Variants in DNAI4 observed in about 807,000 individuals in gnomAD.
DNAI4 encodes the protein WD repeat domain 78.
A neutral mutation model predicts 105.8 loss-of-function variants in DNAI4; 85 were observed. That is an observed-to-expected ratio of 0.80 (90% CI 0.67 to 0.96). The LOEUF is 0.96. Ranked by LOEUF, DNAI4 falls within the 40% of genes least tolerant of loss-of-function variation. DNAI4 has a pLI of 0.00. For synonymous variants in DNAI4, 352 were observed against 331.5 expected (o/e 1.06, Z -0.67); for missense variants, 1,014 against 1,005.6 (o/e 1.01, Z -0.11).
chr1:66,840,361 A>G (rs1646123313), intron 9 of DNAI4, 108 bp downstream of exon 9: 13 of 1,068,786 alleles, frequency 1.2e-5, no homozygotes, highest in South Asian at 3.0e-5. Context: ...GTTATGGTCA[A>G]TTTAAATTCC....
intron 8 of DNAI4, among the ~76,000 whole-genome samples, chr1:66,843,276 T>A (rs572138324): frequency 2.0e-5 from 3 of 150,024 alleles, no homozygotes; most frequent in Middle Eastern, 6.8e-3. Context: ...AAGAAGAGAA[T>A]ATAATAATAT....
intron 1 of DNAI4, among the ~76,000 whole-genome samples, chr1:66,911,499 T>C (rs1412472595): frequency 2.0e-5 from 3 of 152,190 alleles, no homozygotes; most frequent in Non-Finnish European, 2.9e-5. Flanking sequence ...CCCAACCCTA[T>C]AATCATGCTT....
At chr1:66,844,084 CAAAAA>C (rs55925419) in intron 8 of DNAI4, among the ~76,000 whole-genome samples, 4 of 66,358 alleles carry the variant, frequency 6.0e-5, no homozygotes, top group Non-Finnish European at 8.1e-5. Context: ...ACTGGAGATT[CAAAAA>C]AAAAAAAAAA....
At chr1:66,865,101 A>G (rs749417080) in intron 6 of DNAI4, among the ~76,000 whole-genome samples, 8 of 152,114 alleles carry the variant, frequency 5.3e-5, no homozygotes, top group Non-Finnish European at 8.8e-5. Flanking sequence ...TACACTAAAG[A>G]ATTTAGATGC....
At chr1:66,917,123 T>C (rs1410079130) in intron 1 of DNAI4, among the ~76,000 whole-genome samples, 1 of 152,236 alleles carries the variant, frequency 6.6e-6, no homozygotes, top group Admixed American at 6.5e-5. Context: ...ACAGGGAGCA[T>C]TGTCAAATAT....
intron 16 of DNAI4, among the ~76,000 whole-genome samples, chr1:66,816,693 TTTG>T (rs1171706313): frequency 4.6e-5 from 7 of 150,794 alleles, no homozygotes; most frequent in African/African-American, 1.7e-4. Context: ...ATGAAATTGA[TTTG>T]TTAAGAAAAT....
chr1:66,836,234 GAAAGAAAGAA>G (rs1474150910), intron 10 of DNAI4, among the ~76,000 whole-genome samples: 92 of 136,678 alleles, frequency 6.7e-4, no homozygotes, highest in African/African-American at 1.5e-3. Flanking sequence ...GAGAGAGAGA[GAAAGAAAGAA>G]AGAGAGAGAG....
intron 7 of DNAI4, among the ~76,000 whole-genome samples, chr1:66,854,691 A>G (rs1011378214): frequency 1.3e-5 from 2 of 152,096 alleles, no homozygotes; most frequent in African/African-American, 4.8e-5. Flanking sequence ...AATCCCAGCT[A>G]TTCGGGAGCT....
chr1:66,862,053 A>T, intron 7 of DNAI4, 94 bp downstream of exon 7: 1 of 1,224,386 alleles, frequency 8.2e-7, no homozygotes, highest in Non-Finnish European at 1.1e-6. Flanking sequence ...TTCATGGTCC[A>T]TTAGAAAGAA....
intron 11 of DNAI4, among the ~76,000 whole-genome samples, chr1:66,834,450 A>C (rs1645938677): frequency 6.6e-6 from 1 of 152,022 alleles, no homozygotes; most frequent in Non-Finnish European, 1.5e-5. Context: ...TTCAGAATCT[A>C]CTTTTCTTAC....
intron 7 of DNAI4, among the ~76,000 whole-genome samples, chr1:66,855,978 G>A (rs1197338991): frequency 6.6e-6 from 1 of 151,984 alleles, no homozygotes; most frequent in Admixed American, 6.6e-5. Flanking sequence ...GGGACTAAGG[G>A]CACCCACCAC....
chr1:66,893,540 C>T lies in DNAI4; in HGVS notation c.346-127G>A, dbSNP rs1349512443. The T allele has an allele frequency of 1.3e-5, 7 of 550,938 alleles. No individual in the cohort carries two copies. The Admixed American group carries it at 2.1e-4, about 17-fold the overall frequency. 34.1% of individuals were successfully genotyped at this position (550,938 alleles called of 1,614,324 possible). ...TATAATGCTCCTATAATAGGATAAA[C>T]ATGAAAAATTGGATGCTTTAAAATG... is the stretch of plus-strand genomic sequence containing the variant. On this transcript the variant is annotated intron_variant, in intron 2 of 16. Transcript: ENST00000371026.
At chr1:66,902,505 G>T (rs2100819808) in intron 2 of DNAI4, among the ~76,000 whole-genome samples, 1 of 151,802 alleles carries the variant, frequency 6.6e-6, no homozygotes, top group African/African-American at 2.4e-5. Context: ...CCATCCTGTG[G>T]GTTGTTTTTT....
chr1:66,924,563 G>A (rs761657027), intron 1 of DNAI4, 99 bp downstream of exon 1: 687 of 1,536,002 alleles, frequency 4.5e-4, no homozygotes, highest in Non-Finnish European at 5.7e-4. Flanking sequence ...CCCAGTTAGG[G>A]TAGGGCCCCT....
chr1:66,900,327 C>T (rs1280681242), intron 2 of DNAI4, among the ~76,000 whole-genome samples: 1 of 152,160 alleles, frequency 6.6e-6, no homozygotes, highest in Non-Finnish European at 1.5e-5. Context: ...TCTCGAACTC[C>T]TGGTCTCAGG....
Position 66,834,079 on chromosome 1 carries a change from T to C in DNAI4, c.1803A>G (p.Thr601=). ...LQWIEQDRGT[T]GDGKREILVS... is the part of the protein sequence containing the mutation. ...CTAGTATTTCTCTTTTGCCATCTCC[T>C]GTTGTTCCTCGATCTTGTTCTATCC... Residue 601 remains threonine (T), a synonymous_variant, in exon 12 of 17, where the codon ACA becomes ACG. Coordinates refer to ENST00000371026, the MANE Select transcript of DNAI4 (RefSeq NM_024763.5). The C allele has an allele frequency of 6.2e-7, 1 of 1,612,792 alleles. No individual in the cohort carries two copies. The highest frequency in any genetic ancestry group is 8.5e-7 in the Non-Finnish European group (1 of 1,179,450).
At chr1:66,863,962 A>T (rs551625669) in intron 6 of DNAI4, among the ~76,000 whole-genome samples, 1 of 152,328 alleles carries the variant, frequency 6.6e-6, no homozygotes, top group African/African-American at 2.4e-5. Context: ...CTTTTGTTTA[A>T]CTGAAAGTTT....
chr1:66,876,802 C>T (rs1473883438), intron 4 of DNAI4, among the ~76,000 whole-genome samples: 1 of 151,702 alleles, frequency 6.6e-6, no homozygotes, highest in African/African-American at 2.4e-5. Context: ...CTCTTGACTG[C>T]CAATGATGGA....
Position 66,890,750 on chromosome 1 carries a change from G to A in DNAI4, c.643+404C>T. 4.2e-6 allele frequency: 1 copy of A among 239,966 alleles called. No homozygotes were observed. The highest frequency in any genetic ancestry group is 8.1e-6 in the Non-Finnish European group (1 of 124,046). The allele number at this position is 239,966 out of a possible 1,614,324, so 14.9% of individuals were successfully genotyped here. A position where few individuals can be genotyped will look rare whatever the true frequency, so the allele number is the denominator to read the frequency against. The stretch of plus-strand genomic sequence containing the variant: ...GGGAGAGGAAGAGGGGGAGAAGGAA[G>A]AGGAGGAGGAGGAAGAGGAAGAAGA... On this transcript the variant is annotated intron_variant, in intron 4 of 16. Transcript: ENST00000371026. This position sits in a 1 kb window ranked among gnomAD's most constrained non-coding sequence, Gnocchi z 4.1.
Sources: gnomAD v4.1 joint callset for allele counts (sites outside exome capture counted in the v4.1 genomes callset) on GRCh38, gnomAD v4.1.1 for gene constraint, Gnocchi (gnomAD v3.1) non-coding constraint, MANE v1.5 for transcripts, NCBI Gene and HGNC (gene_info 2026-07-23, HGNC 2026-07-21) for gene names.